Variants in ZNF763 observed in about 807,000 individuals in gnomAD.
ZNF763 encodes the protein DNA-binding protein.
In ZNF763, 33 loss-of-function variants were observed where a neutral mutation model predicts 38.0. The ratio of observed to expected loss-of-function variants is 0.87; its 90% CI spans 0.66 to 1.16. The LOEUF (loss-of-function observed/expected upper bound fraction) is 1.16, where lower values mean the gene tolerates loss of function less well. Among genes scored for constraint, ZNF763 ranks in the 50% most tolerant of loss-of-function variants. The pLI, the probability that ZNF763 is intolerant of heterozygous loss-of-function variation, is 0.00. For synonymous variants in ZNF763, 155 were observed against 160.1 expected, an observed-to-expected ratio of 0.97 and a Z score of 0.24; for missense variants, 423 against 469.1, an observed-to-expected ratio of 0.90 and a Z score of 0.91.
intron 1 of ZNF763, among the ~76,000 whole-genome samples, chr19:11,973,399 T>C (rs1444869774): frequency 1.3e-5 from 2 of 152,172 alleles, no homozygotes; most frequent in Admixed American, 1.3e-4. Context: ...TTTTTATTTA[T>C]CTAAAAAAAT....
intron 1 of ZNF763, among the ~76,000 whole-genome samples, chr19:11,965,978 T>C (rs1279450287): frequency 1.3e-5 from 2 of 151,766 alleles, no homozygotes; most frequent in Non-Finnish European, 2.9e-5. Flanking sequence ...TGATTGAGAG[T>C]GTGAAGTTTG....
In ZNF763 at chr19:11,978,218, A is replaced by G; in HGVS notation, c.294A>G (p.Lys98=). ...PDDRLNFQEK[K]ASPEAKSCDN... is the part of the protein sequence containing the mutation. ...ACAGGCTGAACTTCCAGGAGAAGAA[A>G]GCTTCTCCTGAAGCAAAATCATGTG... The change falls in exon 4 of 4, where the codon AAA becomes AAG. Residue 98 remains lysine, a synonymous_variant. Coordinates refer to ENST00000358987, the MANE Select transcript of ZNF763 (RefSeq NM_001367172.2). The G allele has an allele frequency of 6.2e-7, 1 of 1,614,090 alleles. No homozygotes were observed.
intron 1 of ZNF763, among the ~76,000 whole-genome samples, chr19:11,966,922 A>G (rs904147185): frequency 8.5e-5 from 13 of 152,326 alleles, no homozygotes; most frequent in African/African-American, 3.1e-4. Context: ...TTGGAAGTTA[A>G]GTTCTGGCTT....
At position 11,978,959 on chromosome 19, in the gene ZNF763, T is replaced by G; in HGVS notation, c.1035T>G (p.Cys345Trp). Residue 345 changes from cysteine to tryptophan, a missense_variant, in exon 4 of 4, where the codon TGT becomes TGG. Transcript: ENST00000358987. ...AGAAGCCTTATCAATGTAAGGAATG[T>G]AGAAAAGCATTCACGTATCCCAGTT... is the stretch of plus-strand genomic sequence containing the variant. ...TGEKPYQCKE[C>W]RKAFTYPSSL... The G allele has an allele frequency of 6.2e-7, 1 of 1,614,150 alleles. No individual in the cohort carries two copies. Among genetic ancestry groups the G allele is most frequent in the Non-Finnish European group, 8.5e-7 (1 of 1,180,038 alleles).
intron 1 of ZNF763, among the ~76,000 whole-genome samples, chr19:11,967,553 G>A (rs966562517): frequency 9.9e-5 from 15 of 151,930 alleles, no homozygotes; most frequent in African/African-American, 2.7e-4. Context: ...ACAGGCACCC[G>A]CCACCACGCT....
chr19:11,979,204 T>C lies in ZNF763; in HGVS notation c.*95T>C, dbSNP rs1316127112. ...AGAGAAACCCTATAAATGCATGCCA[T>C]GTGGTAAAGCCTTCAATCTTTCCAG... On this transcript the variant is annotated 3_prime_UTR_variant, in exon 4 of 4. Transcript: ENST00000358987. 5.6e-6 allele frequency: 9 copies of C among 1,611,392 alleles called. No individual in the cohort carries two copies. In the Admixed American group the frequency reaches 1.0e-4, roughly 18 times the overall value.
In ZNF763 at chr19:11,979,967, G is replaced by A; in HGVS notation, c.*858G>A. 1 of 1,229,048 alleles carries A rather than the reference G, an allele frequency of 8.1e-7. No individual in the cohort carries two copies. The highest frequency in any genetic ancestry group is 1.2e-6 in the Non-Finnish European group (1 of 843,488). The allele number at this position is 1,229,048 out of a possible 1,614,324, so 76.1% of individuals were successfully genotyped here. A position where few individuals can be genotyped will look rare whatever the true frequency, so the allele number is the denominator to read the frequency against. On this transcript the variant is annotated 3_prime_UTR_variant, in exon 4 of 4. Transcript: ENST00000358987. ...TCAAATACCTGAAAAATCTTACACT[G>A]GAGAGAAACCCTATGAGTGTAAGCA...
chr19:11,972,072 AAAAAG>A (rs1352908043), intron 1 of ZNF763, among the ~76,000 whole-genome samples: 2 of 151,982 alleles, frequency 1.3e-5, no homozygotes, highest in Non-Finnish European at 2.9e-5. Context: ...CAAAAAAAAA[AAAAAG>A]AAAAGAAAAG....
chr19:11,965,762 G>C (rs1973214322), intron 1 of ZNF763, among the ~76,000 whole-genome samples: 1 of 152,200 alleles, frequency 6.6e-6, no homozygotes, highest in Non-Finnish European at 1.5e-5. Context: ...ACCTTGGCAA[G>C]GGAAACACAA....
chr19:11,965,357 C>T, intron 1 of ZNF763, 146 bp downstream of exon 1: 12 of 1,147,692 alleles, frequency 1.0e-5, no homozygotes, highest in Non-Finnish European at 1.5e-5. Context: ...CCCTCGGTCC[C>T]CTCGGCCGCT....
chr19:11,968,120 T>G (rs1219073441), intron 1 of ZNF763, among the ~76,000 whole-genome samples: 3 of 152,200 alleles, frequency 2.0e-5, no homozygotes, highest in Non-Finnish European at 2.9e-5. Flanking sequence ...CTTGTTAGTC[T>G]CAAGATGGAG....
chr19:11,979,504 T>G lies in ZNF763; in HGVS notation c.*395T>G. 1 of 1,602,762 alleles carries G rather than the reference T, an allele frequency of 6.2e-7. No individual in the cohort carries two copies. Among genetic ancestry groups the G allele is most frequent in the East Asian group, 2.2e-5 (1 of 44,650 alleles). On this transcript the variant is annotated 3_prime_UTR_variant, in exon 4 of 4. Transcript: ENST00000358987. ...AAGGCTTTTATTCTCCCACGTCATT[T>G]CAAAGACATGAAAAAACTCACACTG...
chr19:11,968,084 T>C (rs1383852661), intron 1 of ZNF763, among the ~76,000 whole-genome samples: 1 of 152,188 alleles, frequency 6.6e-6, no homozygotes, highest in Non-Finnish European at 1.5e-5. Flanking sequence ...GTTATGACCA[T>C]GGGTTGTGAC....
Position 11,978,735 on chromosome 19 carries a change from T to C in ZNF763, c.811T>C (p.Phe271Leu). ...GAAAGCATTCCATAGTTCCAGTTCT[T>C]TTCAAGCACATAAAAGAACCCACAC... Reference protein sequence around the residue: ...CGKAFHSSSSFQAHKRTHTGG... With the variant: ...CGKAFHSSSSLQAHKRTHTGG... The change falls in exon 4 of 4, where the codon TTT (phenylalanine) becomes CTT (leucine). Residue 271 changes from phenylalanine (F) to leucine (L), a missense_variant. Transcript: ENST00000358987. 6.2e-7 allele frequency: 1 copy of C among 1,613,996 alleles called. No individual in the cohort carries two copies. The highest frequency in any genetic ancestry group is 8.5e-7 in the Non-Finnish European group (1 of 1,179,952).
At position 11,965,242 on chromosome 19, in the gene ZNF763, G is replaced by A. The variant is rs777571913; in HGVS notation, c.3+31G>A. The A allele has an allele frequency of 1.4e-5, 22 of 1,613,584 alleles. No individual in the cohort carries two copies. The East Asian group carries it at 1.6e-4, about 11-fold the overall frequency. ...TGTGCATAGCCGGTTGTCCCGAGAC[G>A]GGGTAGAGGCTGCCTGGAACCGGCC... On this transcript the variant is annotated intron_variant, in intron 1 of 3. Coordinates refer to ENST00000358987, the MANE Select transcript of ZNF763 (RefSeq NM_001367172.2).
chr19:11,967,859 G>A (rs757411455), intron 1 of ZNF763, among the ~76,000 whole-genome samples: 8 of 152,232 alleles, frequency 5.3e-5, no homozygotes, highest in African/African-American at 1.2e-4. Context: ...CTGTGCCTAC[G>A]TGCATGTGGG....
At chr19:11,977,973 C>T in intron 3 of ZNF763, 143 bp from the exon 4 acceptor site, 1 of 980,070 alleles carries the variant, frequency 1.0e-6, no homozygotes, top group Non-Finnish European at 1.5e-6. Context: ...CCTTGTAGAA[C>T]ATGTTGTCCA....
At chr19:11,975,502 A>G (rs1381436874) in intron 1 of ZNF763, among the ~76,000 whole-genome samples, 3 of 151,718 alleles carry the variant, frequency 2.0e-5, no homozygotes, top group Non-Finnish European at 4.4e-5. Flanking sequence ...GGTTCACGCC[A>G]TTCTCCTGCC....
At chr19:11,976,938 A>T (rs1338180242) in intron 1 of ZNF763, 100 bp from the exon 2 acceptor site, 1 of 1,567,370 alleles carries the variant, frequency 6.4e-7, no homozygotes, top group South Asian at 1.2e-5. Context: ...AAAGCAGGGA[A>T]TAAATGTTTG....
Sources: allele counts gnomAD v4.1 joint callset (sites outside exome capture counted in the v4.1 genomes callset), GRCh38; gene constraint gnomAD v4.1.1; transcripts MANE v1.5; gene names NCBI Gene and HGNC (gene_info 2026-07-23, HGNC 2026-07-21).